The following MROH1 variants were observed in gnomAD, a reference collection of about 807,000 sequenced individuals.
MROH1 encodes the protein maestro heat-like repeat-containing protein family member 1.
MROH1 carries 117 observed loss-of-function variants against 116.5 expected under a neutral mutation model. The observed-to-expected ratio is 1.00, with a 90% confidence interval of 0.86 to 1.17. MROH1 has a LOEUF of 1.17. Ranked by LOEUF, MROH1 falls within the 50% of genes most tolerant of loss-of-function variation. The pLI is 0.00. For missense variants in MROH1, 1,873 were observed against 1,338.5 expected, an observed-to-expected ratio of 1.40 and a Z score of -6.23; for synonymous variants, 921 against 583.9, an observed-to-expected ratio of 1.58 and a Z score of -8.32.
intron 3 of MROH1, among the ~76,000 whole-genome samples, chr8:144,164,093 CTT>C (rs776748346): frequency 3.0e-4 from 41 of 135,150 alleles, no homozygotes; most frequent in Non-Finnish European, 3.1e-4. Context: ...GTTTGTTTTA[CTT>C]TTTTTTTTTT....
intron 4 of MROH1, among the ~76,000 whole-genome samples, chr8:144,175,905 C>T (rs570858816): frequency 6.6e-6 from 1 of 152,134 alleles, no homozygotes; most frequent in East Asian, 1.9e-4. Flanking sequence ...AAAAATTATC[C>T]AGGCGTGGTG....
At chr8:144,208,291 T>G (rs1207779603) in intron 12 of MROH1, among the ~76,000 whole-genome samples, 1 of 152,228 alleles carries the variant, frequency 6.6e-6, no homozygotes, top group South Asian at 2.1e-4. Flanking sequence ...GTCTCACTTG[T>G]TGAAAAGACT....
At position 144,238,740 on chromosome 8, in the gene MROH1, T is replaced by G. The variant is rs1274046377; in HGVS notation, c.1339-16T>G. On this transcript the variant is annotated splice_polypyrimidine_tract_variant and intron_variant, in intron 14 of 43. Transcript: ENST00000326134. ...ATGGCCGCCCACGCACGCCTTTGCC[T>G]TTTGCCTTCCTCCAGCCTGAGAAGC... The G allele has an allele frequency of 1.3e-6, 1 of 769,664 alleles. No individual in the cohort carries two copies. Among genetic ancestry groups the G allele is most frequent in the African/African-American group, 1.7e-5 (1 of 59,058 alleles). 47.7% of individuals were successfully genotyped at this position (769,664 alleles called of 1,614,324 possible).
chr8:144,156,036 C>T (rs1817973232), intron 1 of MROH1, among the ~76,000 whole-genome samples: 2 of 151,260 alleles, frequency 1.3e-5, no homozygotes, highest in South Asian at 2.1e-4. Flanking sequence ...GTTGGGAGTT[C>T]GCAACCAGCC....
intron 1 of MROH1, among the ~76,000 whole-genome samples, chr8:144,149,373 C>G (rs1204468945): frequency 6.6e-6 from 1 of 152,120 alleles, no homozygotes; most frequent in Non-Finnish European, 1.5e-5. Flanking sequence ...GACGTGCAGG[C>G]CGCTGTGGCT....
At chr8:144,255,260 A>G (rs1414274831) in intron 34 of MROH1, among the ~76,000 whole-genome samples, 2 of 152,178 alleles carry the variant, frequency 1.3e-5, no homozygotes, top group African/African-American at 2.4e-5. Flanking sequence ...CTCCTTTCTG[A>G]GGAGCTGAGA....
At chr8:144,245,666 C>CT (rs1225332432) in intron 29 of MROH1, among the ~76,000 whole-genome samples, 4 of 151,702 alleles carry the variant, frequency 2.6e-5, no homozygotes, top group African/African-American at 7.3e-5. Context: ...TTTTCTCTCT[C>CT]TTTTTTTCCC....
At chr8:144,234,978 C>T (rs1182625340) in intron 14 of MROH1, among the ~76,000 whole-genome samples, 3 of 148,276 alleles carry the variant, frequency 2.0e-5, no homozygotes, top group Non-Finnish European at 4.4e-5. Flanking sequence ...CTGTGACCTC[C>T]GCCTCCCAGG....
chr8:144,181,317 T>TGATGGGGGAGGGGCCCGGG (rs1825644002), intron 7 of MROH1, among the ~76,000 whole-genome samples: 1 of 121,256 alleles, frequency 8.2e-6, no homozygotes, highest in Admixed American at 7.8e-5. Flanking sequence ...GAGGGGCCGG[T>TGATGGGGGAGGGGCCCGGG]GATGGGGGAG....
At chr8:144,172,222 G>A (rs1217947448) in intron 4 of MROH1, among the ~76,000 whole-genome samples, 1 of 152,114 alleles carries the variant, frequency 6.6e-6, no homozygotes, top group Non-Finnish European at 1.5e-5. Context: ...TTCTGATCCA[G>A]AAGAGATTTA....
At chr8:144,164,562 G>T (rs912868499) in intron 3 of MROH1, among the ~76,000 whole-genome samples, 1 of 151,592 alleles carries the variant, frequency 6.6e-6, no homozygotes, top group African/African-American at 2.4e-5. Context: ...ATGCCACTAT[G>T]CCCAGAAGTA....
intron 1 of MROH1, among the ~76,000 whole-genome samples, chr8:144,150,325 C>G (rs1816407080): frequency 6.6e-6 from 1 of 152,222 alleles, no homozygotes; most frequent in Non-Finnish European, 1.5e-5. Flanking sequence ...ATCAACCCTG[C>G]CTGCCACCTT....
chr8:144,240,210 T>C (rs1588430731), intron 19 of MROH1, 57 bp downstream of exon 19: 20 of 709,106 alleles, frequency 2.8e-5, no homozygotes, highest in Non-Finnish European at 1.3e-5. Flanking sequence ...GCCTGGGGGG[T>C]GCTGGGGTGG....
At chr8:144,242,275 T>C in intron 22 of MROH1, 94 bp from the exon 23 acceptor site, 1 of 777,464 alleles carries the variant, frequency 1.3e-6, no homozygotes, top group South Asian at 1.4e-5. Context: ...CTGGCCCTTC[T>C]TCTGGGAGGA....
At chr8:144,206,512 TC>T (rs1440879144) in intron 12 of MROH1, among the ~76,000 whole-genome samples, 2 of 150,154 alleles carry the variant, frequency 1.3e-5, no homozygotes, top group Admixed American at 6.7e-5. Context: ...AACCTCCACC[TC>T]CCGGGTTCAA....
chr8:144,259,124 C>A, intron 36 of MROH1, 116 bp from the exon 37 acceptor site: 1 of 691,032 alleles, frequency 1.4e-6, no homozygotes, highest in South Asian at 1.5e-5. Flanking sequence ...AAACATAGAA[C>A]TCCCAGAACC....
intron 10 of MROH1, among the ~76,000 whole-genome samples, chr8:144,195,896 T>C (rs1829780759): frequency 6.6e-6 from 1 of 152,188 alleles, no homozygotes; most frequent in African/African-American, 2.4e-5. Context: ...CTGTTTATGA[T>C]ATTTTTTGGC....
intron 38 of MROH1, 64 bp downstream of exon 38, chr8:144,260,121 C>T: frequency 4.0e-6 from 3 of 751,490 alleles, no homozygotes; most frequent in Non-Finnish European, 4.9e-6. Flanking sequence ...GCATGGAGGC[C>T]ACCCTGTCTT....
chr8:144,201,889 C>T (rs983031475), intron 12 of MROH1, among the ~76,000 whole-genome samples: 8 of 151,960 alleles, frequency 5.3e-5, no homozygotes, highest in Non-Finnish European at 1.0e-4. Context: ...GGCGTGGTGG[C>T]GGGCGCCTGT....
Sources: gnomAD v4.1 joint callset for allele counts (sites outside exome capture counted in the v4.1 genomes callset) on GRCh38, gnomAD v4.1.1 for gene constraint, MANE v1.5 for transcripts, NCBI Gene and HGNC (gene_info 2026-07-23, HGNC 2026-07-21) for gene names.